The following GRB2 variants were observed in gnomAD, a reference collection of about 807,000 sequenced individuals.
GRB2 encodes the protein growth factor receptor bound protein 2.
GRB2 carries 2 observed loss-of-function variants against 27.4 expected under a neutral mutation model. The ratio of observed to expected loss-of-function variants is 0.07; its 90% confidence interval spans 0.03 to 0.23. The LOEUF (loss-of-function observed/expected upper bound fraction) is 0.23, where lower values mean the gene tolerates loss of function less well. Among genes scored for constraint, GRB2 ranks in the 10% least tolerant of loss-of-function variants. GRB2 has a pLI of 1.00. For synonymous variants in GRB2, 94 were observed against 99.6 expected, an observed-to-expected ratio of 0.94 and a Z score of 0.33; for missense variants, 102 against 282.4, an observed-to-expected ratio of 0.36 and a Z score of 4.58.
At chr17:75,380,093 T>C (rs1237262332) in intron 2 of GRB2, among the ~76,000 whole-genome samples, 1 of 152,240 alleles carries the variant, frequency 6.6e-6, no homozygotes, top group Non-Finnish European at 1.5e-5. Flanking sequence ...TTCTAGTTTA[T>C]CTTATTAGAT....
intron 2 of GRB2, chr17:75,338,728 C>T (rs1004264940): frequency 4.1e-4 from 207 of 500,380 alleles, no homozygotes; most frequent in Non-Finnish European, 4.4e-4. Flanking sequence ...GTTAAGAGCC[C>T]AAATCAGGAA....
intron 2 of GRB2, among the ~76,000 whole-genome samples, chr17:75,357,440 A>G (rs952161566): frequency 2.0e-5 from 3 of 152,250 alleles, no homozygotes; most frequent in Non-Finnish European, 2.9e-5. Context: ...GTAATAGGTG[A>G]AAGTGAATGT....
intron 2 of GRB2, among the ~76,000 whole-genome samples, chr17:75,347,611 C>G (rs2078663620): frequency 6.6e-6 from 1 of 152,114 alleles, no homozygotes; most frequent in Non-Finnish European, 1.5e-5. Context: ...TCTTCTCCAC[C>G]CTCCTCACCC....
intron 2 of GRB2, among the ~76,000 whole-genome samples, chr17:75,391,376 CTAA>C (rs2078997230): frequency 6.6e-6 from 1 of 152,048 alleles, no homozygotes; most frequent in Non-Finnish European, 1.5e-5. Flanking sequence ...ATCTTCTTCC[CTAA>C]TAATAGGATG....
intron 2 of GRB2, among the ~76,000 whole-genome samples, chr17:75,347,784 G>A (rs954013232): frequency 1.3e-5 from 2 of 152,192 alleles, no homozygotes; most frequent in African/African-American, 4.8e-5. Flanking sequence ...GGCTGAGTGT[G>A]GAGGTCCCCA....
chr17:75,401,890 G>A (rs996101455), intron 1 of GRB2, among the ~76,000 whole-genome samples: 2 of 152,190 alleles, frequency 1.3e-5, no homozygotes, highest in Non-Finnish European at 1.5e-5. Flanking sequence ...TGTAGTATAA[G>A]CCAGAGACCT....
intron 2 of GRB2, among the ~76,000 whole-genome samples, chr17:75,364,669 T>C (rs2078808296): frequency 6.6e-6 from 1 of 152,084 alleles, no homozygotes; most frequent in African/African-American, 2.4e-5. Context: ...CTGTAATCAG[T>C]CATCTGACAG....
intron 2 of GRB2, chr17:75,371,981 C>T (rs1191191899): frequency 1.3e-5 from 2 of 151,906 alleles, no homozygotes; most frequent in Non-Finnish European, 2.9e-5. Context: ...AAGACTTTGC[C>T]GAAGATTATT....
chr17:75,350,720 C>G (rs968850840), intron 2 of GRB2, among the ~76,000 whole-genome samples: 1 of 152,152 alleles, frequency 6.6e-6, no homozygotes, highest in African/African-American at 2.4e-5. Flanking sequence ...TCTCGATCTC[C>G]TGACCTCGTG....
chr17:75,323,941 C>G (rs1426285820), intron 4 of GRB2, among the ~76,000 whole-genome samples: 1 of 151,860 alleles, frequency 6.6e-6, no homozygotes, highest in East Asian at 1.9e-4. Flanking sequence ...TCCGGAGTAG[C>G]TGGGAATACA....
In GRB2 at chr17:75,320,100, G is replaced by GA. The variant is rs940061455; in HGVS notation, c.*267dup. ...TGATGGACAGAAGAGAAAAAAGGAT[G>GA]AAAAAAAAGACAAAGGAGGGGAAAG... On this transcript the variant is annotated 3_prime_UTR_variant, in exon 6 of 6. Coordinates refer to ENST00000316804, the MANE Select transcript of GRB2 (RefSeq NM_002086.5). This position sits in a 1 kb window ranked among gnomAD's most constrained non-coding sequence, Gnocchi z 4.3. 1.6e-4 allele frequency: 62 copies of GA among 375,760 alleles called. No homozygotes were observed. Among genetic ancestry groups the GA allele is most frequent in the Middle Eastern group, 8.1e-4 (1 of 1,228 alleles). 23.3% of individuals were successfully genotyped at this position (375,760 alleles called of 1,614,324 possible). A position where few individuals can be genotyped will look rare whatever the true frequency, so the allele number is the denominator to read the frequency against.
chr17:75,327,087 T>TC (rs2078503362), intron 3 of GRB2, among the ~76,000 whole-genome samples: 1 of 150,810 alleles, frequency 6.6e-6, no homozygotes, highest in Non-Finnish European at 1.5e-5. Flanking sequence ...TTTTTTTTTT[T>TC]TGAGGAGTCT....
intron 2 of GRB2, 77 bp downstream of exon 2, chr17:75,393,474 G>T: frequency 9.2e-7 from 1 of 1,085,500 alleles, no homozygotes; most frequent in Non-Finnish European, 1.4e-6. Context: ...CAGCTTCTTT[G>T]TGTGTAATCA....
intron 3 of GRB2, among the ~76,000 whole-genome samples, chr17:75,331,531 G>A (rs2078541090): frequency 6.6e-6 from 1 of 152,182 alleles, no homozygotes; most frequent in Non-Finnish European, 1.5e-5. Flanking sequence ...AAGAAGTGTA[G>A]TATGATGTTC....
intron 2 of GRB2, among the ~76,000 whole-genome samples, chr17:75,348,420 T>C (rs1167252192): frequency 6.6e-6 from 1 of 152,218 alleles, no homozygotes; most frequent in Non-Finnish European, 1.5e-5. Context: ...TGACCATTAC[T>C]AGACTGGCAT....
At chr17:75,403,925 G>C (rs2079080743) in intron 1 of GRB2, among the ~76,000 whole-genome samples, 1 of 151,958 alleles carries the variant, frequency 6.6e-6, no homozygotes, top group African/African-American at 2.4e-5. Flanking sequence ...ACCAACCTGG[G>C]CAACACAGTG....
chr17:75,335,924 C>T (rs1429625124), intron 2 of GRB2, among the ~76,000 whole-genome samples: 1 of 152,132 alleles, frequency 6.6e-6, no homozygotes, highest in Non-Finnish European at 1.5e-5. Context: ...GTGCTGCAGC[C>T]AGCAATGGTG....
intron 3 of GRB2, among the ~76,000 whole-genome samples, chr17:75,332,078 G>GGGGT (rs2078544983): frequency 6.6e-6 from 1 of 152,218 alleles, no homozygotes; most frequent in African/African-American, 2.4e-5. Flanking sequence ...CTGTGAATGA[G>GGGGT]GGGTGGGTGA....
At chr17:75,321,169 C>T (rs1335010740) in intron 5 of GRB2, among the ~76,000 whole-genome samples, 18 of 120,030 alleles carry the variant, frequency 1.5e-4, no homozygotes, top group South Asian at 5.1e-4. Flanking sequence ...AACAACAAAT[C>T]TTTTTTTTTT....
Sources: gnomAD v4.1 joint callset for allele counts (sites outside exome capture counted in the v4.1 genomes callset) on GRCh38, gnomAD v4.1.1 for gene constraint, Gnocchi (gnomAD v3.1) non-coding constraint, MANE v1.5 for transcripts, NCBI Gene and HGNC (gene_info 2026-07-23, HGNC 2026-07-21) for gene names.